The following TULP4 variants were observed in gnomAD, a reference collection of about 807,000 sequenced individuals.
The protein encoded by TULP4 is tubby-related protein 4.
A neutral mutation model predicts 129.0 loss-of-function variants in TULP4; 16 were observed. The ratio of observed to expected loss-of-function variants is 0.12; its 90% CI spans 0.08 to 0.19. The LOEUF (loss-of-function observed/expected upper bound fraction) is 0.19. Ranked by LOEUF, TULP4 falls within the 10% of genes least tolerant of loss-of-function variation. The pLI is 1.00. For missense variants in TULP4, 1,842 were observed against 2,059.1 expected, an observed-to-expected ratio of 0.89 and a Z score of 2.04; for synonymous variants, 998 against 854.0, an observed-to-expected ratio of 1.17 and a Z score of -2.94.
At chr6:158,277,622 G>T (rs1184243355), upstream of TULP4, among the ~76,000 whole-genome samples, 1 of 152,182 alleles carries the variant, frequency 6.6e-6, no homozygotes. Context: ...CTCCTGCTCA[G>T]TGTGGCTCGT....
At chr6:158,307,431 G>T (rs1242208778) in intron 1 of TULP4, among the ~76,000 whole-genome samples, 1 of 152,194 alleles carries the variant, frequency 6.6e-6, no homozygotes, top group African/African-American at 2.4e-5. Flanking sequence ...ATATATCAGT[G>T]AATTTTTCAT....
At position 158,313,941 on chromosome 6, in the gene TULP4, T is replaced by C; in HGVS notation, c.-76T>C. On this transcript the variant is annotated 5_prime_UTR_variant, in exon 1 of 14. Coordinates refer to ENST00000367097, the MANE Select transcript of TULP4 (RefSeq NM_020245.5). ...CGCAAGCCAACCACAAAAACACATA[T>C]ACCAATGAAAGAAATTGGTTTAAAT... is the stretch of plus-strand genomic sequence containing the variant. 6.5e-7 allele frequency: 1 copy of C among 1,539,246 alleles called. No individual in the cohort carries two copies. Among genetic ancestry groups the C allele is most frequent in the Admixed American group, 1.8e-5 (1 of 54,962 alleles).
intron 1 of TULP4, among the ~76,000 whole-genome samples, chr6:158,293,432 A>G (rs1312733325): frequency 6.6e-6 from 1 of 152,242 alleles, no homozygotes; most frequent in African/African-American, 2.4e-5. Flanking sequence ...AATTCAGTGC[A>G]GGGGTACTGG....
chr6:158,316,954 G>A (rs1779505987), intron 1 of TULP4, among the ~76,000 whole-genome samples: 1 of 152,200 alleles, frequency 6.6e-6, no homozygotes, highest in Non-Finnish European at 1.5e-5. Flanking sequence ...AGTATCTGCT[G>A]TAGCTTCAAA....
At chr6:158,243,424 CGT>C (rs370737011) in intron 1 of TULP4, among the ~76,000 whole-genome samples, 39 of 148,514 alleles carry the variant, frequency 2.6e-4, no homozygotes, top group East Asian at 3.9e-4. Context: ...TGGGCGTGTA[CGT>C]GTGTGTGTGT....
At chr6:158,428,916 A>C (rs1778564388) in intron 2 of TULP4, among the ~76,000 whole-genome samples, 1 of 152,232 alleles carries the variant, frequency 6.6e-6, no homozygotes, top group African/African-American at 2.4e-5. Context: ...TAATGAATTA[A>C]TGTACATGAA....
intron 6 of TULP4, among the ~76,000 whole-genome samples, chr6:158,468,434 G>A (rs1390978856): frequency 5.9e-5 from 9 of 152,208 alleles, no homozygotes; most frequent in Admixed American, 5.2e-4. Context: ...TTTTCCACCA[G>A]CCTGATTGAA....
chr6:158,366,183 A>T (rs533653860), intron 1 of TULP4, among the ~76,000 whole-genome samples: 1 of 152,052 alleles, frequency 6.6e-6, no homozygotes, highest in Non-Finnish European at 1.5e-5. Context: ...GATTACAGGC[A>T]TGGGCCACCG....
intron 1 of TULP4, among the ~76,000 whole-genome samples, chr6:158,386,364 CAAGT>C (rs969564866): frequency 6.6e-5 from 10 of 151,980 alleles, no homozygotes; most frequent in African/African-American, 2.4e-4. Context: ...CAAAATTTAA[CAAGT>C]AAAGCCATAT....
intron 1 of TULP4, among the ~76,000 whole-genome samples, chr6:158,274,419 C>T (rs1231611997): frequency 6.6e-6 from 1 of 152,212 alleles, no homozygotes; most frequent in Admixed American, 6.5e-5. Context: ...TTTCTGCCTT[C>T]ACTCTGTCCT....
intron 1 of TULP4, among the ~76,000 whole-genome samples, chr6:158,349,113 GCGCTCCT>G (rs1780410131): frequency 9.1e-6 from 1 of 110,470 alleles, no homozygotes; most frequent in South Asian, 3.1e-4. Context: ...CCGGGCAGAG[GCGCTCCT>G]CACTTCCCAG....
chr6:158,485,869 A>G (rs1182452055), intron 8 of TULP4, among the ~76,000 whole-genome samples: 1 of 152,232 alleles, frequency 6.6e-6, no homozygotes, highest in African/African-American at 2.4e-5. Context: ...TGTCTATTCT[A>G]TGCCTGTCCC....
At chr6:158,259,123 G>A (rs2885654) in intron 1 of TULP4, among the ~76,000 whole-genome samples, 2 of 151,952 alleles carry the variant, frequency 1.3e-5, no homozygotes, top group African/African-American at 4.8e-5. Context: ...CCAGCTACTC[G>A]AGAGGCTGAG....
chr6:158,442,564 G>A (rs1467140179), intron 3 of TULP4, among the ~76,000 whole-genome samples: 4 of 152,092 alleles, frequency 2.6e-5, no homozygotes, highest in African/African-American at 4.8e-5. Context: ...CTCTTGGTGA[G>A]TGGCCACCCT....
intron 8 of TULP4, among the ~76,000 whole-genome samples, chr6:158,488,412 G>T (rs546033662): frequency 3.4e-4 from 52 of 152,238 alleles, no homozygotes; most frequent in South Asian, 1.5e-3. Context: ...GCTTTCGCTG[G>T]GTCCAGGCGT....
chr6:158,486,485 G>A (rs931844510), intron 8 of TULP4, among the ~76,000 whole-genome samples: 10 of 152,020 alleles, frequency 6.6e-5, no homozygotes, highest in African/African-American at 2.2e-4. Context: ...CCTGGGAGGC[G>A]GAGCTTGCAG....
At position 158,469,498 on chromosome 6, in the gene TULP4, T is replaced by G. The variant is rs373750151; in HGVS notation, c.1026+7769T>G. Among the ~76,000 whole-genome samples, 9 of 152,060 alleles carry G rather than the reference T, an allele frequency of 5.9e-5. 1 individual carries two copies. The highest frequency in any genetic ancestry group is 2.2e-4 in the African/African-American group (9 of 41,488). On this transcript the variant is annotated intron_variant, in intron 6 of 13. Coordinates refer to ENST00000367097, the MANE Select transcript of TULP4 (RefSeq NM_020245.5). ...CATGTTGGCCAAGGCTGGTCTTGAT[T>G]TTCTGACCTCAAGTGATCTGTCTGC...
chr6:158,281,016 C>T (rs964711224), upstream of TULP4, among the ~76,000 whole-genome samples: 1 of 152,108 alleles, frequency 6.6e-6, no homozygotes, highest in Non-Finnish European at 1.5e-5. Flanking sequence ...CTTTTGCACT[C>T]TCATTTCTTT....
chr6:158,239,615 C>T (rs1311958253), intron 1 of TULP4, among the ~76,000 whole-genome samples: 8 of 59,574 alleles, frequency 1.3e-4, no homozygotes, highest in African/African-American at 3.5e-4. Flanking sequence ...CCCTCCCGGA[C>T]GGGGCGGCTG....
Sources: allele counts gnomAD v4.1 joint callset (sites outside exome capture counted in the v4.1 genomes callset), GRCh38; gene constraint gnomAD v4.1.1; transcripts MANE v1.5; gene names NCBI Gene and HGNC (gene_info 2026-07-23, HGNC 2026-07-21).